Variants in UTP6 observed in about 807,000 individuals in gnomAD.
The protein encoded by UTP6 is UTP6 small subunit processome component, also known as U3 small nucleolar RNA-associated protein 6 homolog.
UTP6 carries 60 observed loss-of-function variants against 96.5 expected under a neutral mutation model. That is an observed-to-expected ratio of 0.62 (90% confidence interval 0.51 to 0.77). UTP6 has a LOEUF of 0.77. UTP6 is among the 30% of genes least tolerant of loss of function. The probability of loss-of-function intolerance (pLI) is 0.00; values close to 1 mark genes in which losing one functional copy is unlikely to be tolerated. For synonymous variants in UTP6, 215 were observed against 240.1 expected (o/e 0.90, Z 0.96); for missense variants, 637 against 706.5 (o/e 0.90, Z 1.12).
At chr17:31,894,526 T>G in intron 4 of UTP6, 119 bp downstream of exon 4, 1 of 693,828 alleles carries the variant, frequency 1.4e-6, no homozygotes, top group Non-Finnish European at 2.4e-6. Context: ...GATACCATCA[T>G]TAGAGTAAGT....
chr17:31,901,686 C>A lies in UTP6; in HGVS notation c.-59G>T. On this transcript the variant is annotated 5_prime_UTR_variant, in exon 1 of 19. Coordinates refer to ENST00000261708, the MANE Select transcript of UTP6 (RefSeq NM_018428.3). Reference sequence around the variant, plus strand: ...CTCAACAGCGAACACGAGCAGGAAGCTCCCGGTTTCAGGTTCGGAGACCCA... The same window carrying A: ...CTCAACAGCGAACACGAGCAGGAAGATCCCGGTTTCAGGTTCGGAGACCCA... 6.4e-7 allele frequency: 1 copy of A among 1,560,006 alleles called. No homozygotes were observed. The highest frequency in any genetic ancestry group is 8.8e-7 in the Non-Finnish European group (1 of 1,137,916).
rs1355826258 is a variant in UTP6, at chr17:31,892,468, C to A, written c.361-145G>T. The A allele has an allele frequency of 1.9e-5, 17 of 898,204 alleles. No individual in the cohort carries two copies. In the East Asian group the frequency reaches 3.4e-4, roughly 18 times the overall value. The allele number at this position is 898,204 out of a possible 1,614,324, so 55.6% of individuals were successfully genotyped here. On this transcript the variant is annotated intron_variant, in intron 5 of 18. Coordinates refer to ENST00000261708, the MANE Select transcript of UTP6 (RefSeq NM_018428.3). Reference sequence around the variant, plus strand: ...CTAGGGATATATAAACGAACACAGACCCTCAAAATTTTCTACCTCAATTAA... The same window carrying A: ...CTAGGGATATATAAACGAACACAGAACCTCAAAATTTTCTACCTCAATTAA...
At chr17:31,897,705 T>C (rs2142327638) in intron 2 of UTP6, among the ~76,000 whole-genome samples, 1 of 152,190 alleles carries the variant, frequency 6.6e-6, no homozygotes, top group East Asian at 1.9e-4. Context: ...TGCCTCAGCC[T>C]CCCAAAGTGC....
At chr17:31,872,066 A>G (rs1290282174) in intron 16 of UTP6, among the ~76,000 whole-genome samples, 1 of 151,782 alleles carries the variant, frequency 6.6e-6, no homozygotes, top group Non-Finnish European at 1.5e-5. Flanking sequence ...GTCGTGGCAC[A>G]TGCCTGTAAT....
chr17:31,894,035 G>T (rs1013060859), intron 4 of UTP6, among the ~76,000 whole-genome samples: 1 of 151,866 alleles, frequency 6.6e-6, no homozygotes, highest in Non-Finnish European at 1.5e-5. Context: ...TTGGGAGGCT[G>T]AGGTGGGCAG....
chr17:31,867,591 G>T (rs997216868), intron 17 of UTP6, among the ~76,000 whole-genome samples: 2 of 151,672 alleles, frequency 1.3e-5, no homozygotes, highest in Admixed American at 1.3e-4. Flanking sequence ...TCTTAAACCA[G>T]CTCTATGGAA....
chr17:31,874,703 G>A (rs576433800), intron 14 of UTP6, among the ~76,000 whole-genome samples: 6 of 149,144 alleles, frequency 4.0e-5, no homozygotes, highest in Middle Eastern at 3.8e-3. Context: ...AGGCCAAGGC[G>A]GGCAGATCAC....
intron 1 of UTP6, 64 bp downstream of exon 1, chr17:31,901,472 G>A: frequency 6.6e-7 from 1 of 1,511,456 alleles, no homozygotes; most frequent in Non-Finnish European, 9.2e-7. Context: ...TCTAGCCCCT[G>A]CCACACACTC....
At chr17:31,871,079 T>C (rs1262742145) in intron 16 of UTP6, among the ~76,000 whole-genome samples, 1 of 146,464 alleles carries the variant, frequency 6.8e-6, no homozygotes, top group Non-Finnish European at 1.5e-5. Flanking sequence ...AAGCTCCGCC[T>C]CCCAGGTTCA....
intron 2 of UTP6, among the ~76,000 whole-genome samples, chr17:31,897,443 CTTTTTTTT>C (rs397857995): frequency 1.9e-5 from 2 of 103,218 alleles, no homozygotes; most frequent in Non-Finnish European, 3.9e-5. Context: ...AACTTCTAGT[CTTTTTTTT>C]TTTTTTTTTT....
At chr17:31,884,068 G>C (rs1270808989) in intron 10 of UTP6, among the ~76,000 whole-genome samples, 2 of 145,366 alleles carry the variant, frequency 1.4e-5, no homozygotes, top group Non-Finnish European at 3.0e-5. Context: ...GTGGGATCTT[G>C]GCTCACTGCA....
chr17:31,886,463 T>G (rs984201304), intron 8 of UTP6: 1 of 155,398 alleles, frequency 6.4e-6, no homozygotes, highest in African/African-American at 2.4e-5. Context: ...CAGGAGTTCA[T>G]GACCAGCCTG....
chr17:31,896,481 C>T (rs1904650062), intron 2 of UTP6, among the ~76,000 whole-genome samples: 1 of 152,152 alleles, frequency 6.6e-6, no homozygotes, highest in African/African-American at 2.4e-5. Context: ...CTTTCACGTT[C>T]ACATGATTTG....
At chr17:31,872,837 A>G (rs1910262446) in intron 16 of UTP6, among the ~76,000 whole-genome samples, 1 of 147,384 alleles carries the variant, frequency 6.8e-6, no homozygotes. Context: ...CGTCTCTACT[A>G]AATTACAAAA....
At chr17:31,895,708 A>G (rs944419483) in intron 2 of UTP6, among the ~76,000 whole-genome samples, 3 of 151,778 alleles carry the variant, frequency 2.0e-5, no homozygotes, top group Middle Eastern at 3.2e-3. Context: ...TAATTTTTGT[A>G]TTTTTAGTAG....
rs559046844 is a variant in UTP6, at chr17:31,899,144, A to C, written c.177+502T>G. Among the ~76,000 whole-genome samples, 345 of 152,256 alleles carry C rather than the reference A, an allele frequency of 2.3e-3. 2 individuals are homozygous for C. The highest frequency in any genetic ancestry group is 2.5e-3 in the Non-Finnish European group (169 of 68,002). On this transcript the variant is annotated intron_variant, in intron 2 of 18. Coordinates refer to ENST00000261708, the MANE Select transcript of UTP6 (RefSeq NM_018428.3). ...AAACCCTGTCTCTACAAAAAACACA[A>C]AAGCTAGCCAGCCATACTGGCACAC...
At position 31,861,661 on chromosome 17, in the gene UTP6, TTAAA is replaced by T. The variant is rs1400056668; in HGVS notation, c.*1694_*1697del. 2.0e-5 allele frequency: 3 copies of T among 151,996 alleles called. No individual in the cohort carries two copies. The highest frequency in any genetic ancestry group is 7.3e-5 in the African/African-American group (3 of 41,366). The allele number at this position is 151,996 out of a possible 1,614,324, so 9.4% of individuals were successfully genotyped here. The stretch of plus-strand genomic sequence containing the variant: ...CATAAATTAGTAAGAAAAAAAATTT[TTAAA>T]TAGTCTAAGGATGTAAAAAGATGAG... On this transcript the variant is annotated 3_prime_UTR_variant, in exon 19 of 19. Transcript: ENST00000261708.
At chr17:31,878,187 G>A in intron 13 of UTP6, 63 bp downstream of exon 13, 1 of 1,536,956 alleles carries the variant, frequency 6.5e-7, no homozygotes, top group Non-Finnish European at 9.0e-7. Context: ...ACATGACTCT[G>A]GCACAAAACA....
intron 16 of UTP6, among the ~76,000 whole-genome samples, chr17:31,871,978 G>C (rs1910196439): frequency 1.3e-5 from 2 of 152,046 alleles, no homozygotes; most frequent in South Asian, 4.1e-4. Context: ...CAGGTCACCA[G>C]AGGTCAGGAG....
Sources: gnomAD v4.1 joint callset for allele counts (sites outside exome capture counted in the v4.1 genomes callset) on GRCh38, gnomAD v4.1.1 for gene constraint, MANE v1.5 for transcripts, NCBI Gene and HGNC (gene_info 2026-07-23, HGNC 2026-07-21) for gene names.